SNTG1: variants seen among roughly 807,000 people sequenced by gnomAD.
The protein encoded by SNTG1 is syntrophin gamma 1, also known as gamma-1-syntrophin.
Under a neutral mutation model 74.7 loss-of-function variants are expected in SNTG1, and 39 were observed. The ratio of observed to expected loss-of-function variants is 0.52; its 90% CI spans 0.40 to 0.68. The LOEUF (loss-of-function observed/expected upper bound fraction) is 0.68. Ranked by LOEUF, SNTG1 falls within the 30% of genes least tolerant of loss-of-function variation. The pLI, the probability that SNTG1 is intolerant of heterozygous loss-of-function variation, is 0.00. For synonymous variants in SNTG1, 254 were observed against 217.1 expected, an observed-to-expected ratio of 1.17 and a Z score of -1.49; for missense variants, 685 against 609.5, an observed-to-expected ratio of 1.12 and a Z score of -1.30.
At chr8:49,928,015 G>A (rs1807187982) in intron 1 of SNTG1, among the ~76,000 whole-genome samples, 2 of 151,572 alleles carry the variant, frequency 1.3e-5, no homozygotes, top group African/African-American at 2.4e-5. Context: ...TGTAGTCCCA[G>A]CTACTCGGGG....
intron 1 of SNTG1, among the ~76,000 whole-genome samples, chr8:50,104,274 C>G (rs181935876): frequency 6.6e-6 from 1 of 152,274 alleles, no homozygotes; most frequent in East Asian, 1.9e-4. Flanking sequence ...TCAACTTCTT[C>G]CTGGTTTAGT....
intron 1 of SNTG1, among the ~76,000 whole-genome samples, chr8:49,928,768 AT>A (rs2129353224): frequency 6.6e-6 from 1 of 152,220 alleles, no homozygotes; most frequent in Admixed American, 6.5e-5. Context: ...AAGAAAAAAA[AT>A]AATATTTTTT....
chr8:50,028,266 TA>T (rs944549294), intron 1 of SNTG1, among the ~76,000 whole-genome samples: 1 of 152,196 alleles, frequency 6.6e-6, no homozygotes, highest in Admixed American at 6.5e-5. Flanking sequence ...CTTGAGATGG[TA>T]AAAACTATTG....
chr8:50,708,576 T>C (rs947958517), intron 16 of SNTG1: 5 of 255,314 alleles, frequency 2.0e-5, no homozygotes, highest in African/African-American at 1.1e-4. Flanking sequence ...AAACTTTTTA[T>C]ATTATATACC....
chr8:50,237,911 A>G (rs1179549472), intron 2 of SNTG1, among the ~76,000 whole-genome samples: 1 of 152,166 alleles, frequency 6.6e-6, no homozygotes, highest in Non-Finnish European at 1.5e-5. Context: ...CACTCTGGCT[A>G]CTCATTACTA....
intron 2 of SNTG1, among the ~76,000 whole-genome samples, chr8:50,185,777 T>C (rs1010936275): frequency 6.6e-5 from 10 of 152,300 alleles, no homozygotes; most frequent in African/African-American, 2.4e-4. Context: ...AATTCATTTT[T>C]TTCTATATTA....
At chr8:50,754,767 G>T (rs2095576107) in intron 18 of SNTG1, among the ~76,000 whole-genome samples, 3 of 151,560 alleles carry the variant, frequency 2.0e-5, no homozygotes, top group Non-Finnish European at 4.4e-5. Flanking sequence ...TTTCTGATTT[G>T]AAGTGTCCTT....
intron 15 of SNTG1, among the ~76,000 whole-genome samples, chr8:50,687,150 A>T (rs1212086569): frequency 6.8e-6 from 1 of 147,420 alleles, no homozygotes; most frequent in East Asian, 2.0e-4. Context: ...TCAAAAAAAA[A>T]AAATAAAATA....
chr8:49,922,855 A>G (rs1443559147), intron 1 of SNTG1, among the ~76,000 whole-genome samples: 1 of 152,164 alleles, frequency 6.6e-6, no homozygotes, highest in Middle Eastern at 3.2e-3. Flanking sequence ...AACTAAAAAA[A>G]TCAATGACTT....
chr8:50,063,443 A>C (rs1820643759), intron 1 of SNTG1, among the ~76,000 whole-genome samples: 1 of 152,218 alleles, frequency 6.6e-6, no homozygotes, highest in Non-Finnish European at 1.5e-5. Context: ...AGATGACTCA[A>C]GTGTTAAATG....
rs1319463326 is a variant in SNTG1, at chr8:50,426,317, C to T, written c.163-12226C>T. Among the ~76,000 whole-genome samples the T allele has an allele frequency of 1.3e-5, 2 of 152,116 alleles. 1 individual carries two copies. Among genetic ancestry groups the T allele is most frequent in the South Asian group, 4.2e-4 (2 of 4,814 alleles). ...ATAATGATATTTGGTCAATGAAGGGCCACATATATTACAGCGTATCATAAG... is the reference window on the plus strand; with the variant it reads ...ATAATGATATTTGGTCAATGAAGGGTCACATATATTACAGCGTATCATAAG... On this transcript the variant is annotated intron_variant, in intron 4 of 18. Transcript: ENST00000642720.
At chr8:50,376,267 A>G (rs2092377691) in intron 2 of SNTG1, among the ~76,000 whole-genome samples, 1 of 152,294 alleles carries the variant, frequency 6.6e-6, no homozygotes, top group East Asian at 1.9e-4. Context: ...CTTCATATTT[A>G]TAACAAAATT....
chr8:50,330,042 G>A (rs1200092664), intron 2 of SNTG1, among the ~76,000 whole-genome samples: 1 of 152,064 alleles, frequency 6.6e-6, no homozygotes, highest in Non-Finnish European at 1.5e-5. Context: ...CCTCAGCCTG[G>A]ACTTCATTGT....
rs373105670 is a variant in SNTG1, at chr8:50,658,364, G to A, written c.967-228G>A. Among the ~76,000 whole-genome samples the A allele has an allele frequency of 3.0e-3, 464 of 152,154 alleles. 3 individuals are homozygous for A. Among genetic ancestry groups the A allele is most frequent in the African/African-American group, 0.011 (447 of 41,546 alleles). On this transcript the variant is annotated intron_variant, in intron 14 of 18. Coordinates refer to ENST00000642720, the MANE Select transcript of SNTG1 (RefSeq NM_018967.5). ...GGACACTGGGCAAATGAGAACTGTT[G>A]CACATAATATAAATCATTTGCTGAA...
intron 13 of SNTG1, among the ~76,000 whole-genome samples, chr8:50,592,851 C>A (rs1251793431): frequency 6.6e-6 from 1 of 152,046 alleles, no homozygotes; most frequent in Non-Finnish European, 1.5e-5. Context: ...GGTTAATAGA[C>A]TTTTTTCCTT....
intron 2 of SNTG1, among the ~76,000 whole-genome samples, chr8:50,278,627 G>A (rs1054063058): frequency 6.6e-6 from 1 of 151,860 alleles, no homozygotes; most frequent in African/African-American, 2.4e-5. Flanking sequence ...ATGTTTAGGG[G>A]AAATATAAAT....
intron 18 of SNTG1, among the ~76,000 whole-genome samples, chr8:50,783,302 G>A (rs2131841074): frequency 6.6e-6 from 1 of 152,352 alleles, no homozygotes; most frequent in South Asian, 2.1e-4. Flanking sequence ...CCCCAGAGGT[G>A]GAGCCTATAG....
chr8:50,532,144 C>G (rs916722893), intron 10 of SNTG1, among the ~76,000 whole-genome samples: 5 of 152,034 alleles, frequency 3.3e-5, no homozygotes, highest in African/African-American at 1.2e-4. Context: ...CCTTTTAGCA[C>G]TAGGATTGAA....
At chr8:50,373,426 C>G (rs2092312279) in intron 2 of SNTG1, among the ~76,000 whole-genome samples, 1 of 152,052 alleles carries the variant, frequency 6.6e-6, no homozygotes, top group South Asian at 2.1e-4. Context: ...TCAAGTGTGA[C>G]AAGAGAATTC....
Sources: allele counts gnomAD v4.1 joint callset (sites outside exome capture counted in the v4.1 genomes callset), GRCh38; gene constraint gnomAD v4.1.1; transcripts MANE v1.5; gene names NCBI Gene and HGNC (gene_info 2026-07-23, HGNC 2026-07-21).